FGF22: variants seen among roughly 807,000 people sequenced by gnomAD.
The protein encoded by FGF22 is FGF-22.
In FGF22, 11 loss-of-function variants were observed where a neutral mutation model predicts 10.3. The observed-to-expected ratio is 1.07, with a 90% confidence interval of 0.67 to 1.77. The LOEUF (loss-of-function observed/expected upper bound fraction) is 1.77, where lower values mean the gene tolerates loss of function less well. Among genes scored for constraint, FGF22 ranks in the 40% most tolerant of loss-of-function variants. The pLI is 0.00. For synonymous variants in FGF22, 136 were observed against 122.1 expected (o/e 1.11, Z -0.75); for missense variants, 317 against 273.2 (o/e 1.16, Z -1.13).
intron 1 of FGF22, 63 bp downstream of exon 1, chr19:640,202 G>C (rs2144740807): frequency 6.2e-6 from 7 of 1,123,824 alleles, no homozygotes; most frequent in Non-Finnish European, 7.9e-6. Flanking sequence ...CGCGGCCGCC[G>C]TCTTCACGGT....
At chr19:640,929 C>T (rs1985877354) in intron 1 of FGF22, 4 of 330,286 alleles carry the variant, frequency 1.2e-5, no homozygotes, top group South Asian at 4.6e-5. Context: ...CTCATTAGGC[C>T]GCACGTGACG....
At chr19:641,480 C>G in intron 1 of FGF22, 1 of 328,106 alleles carries the variant, frequency 3.0e-6, no homozygotes, top group Non-Finnish European at 6.1e-6. Context: ...GAGGCTGAGG[C>G]AGGAGAATGA....
exon 3 of FGF22, chr19:643,707 A>C (rs1985993201): frequency 9.8e-7 from 1 of 1,015,292 alleles, no homozygotes; most frequent in Admixed American, 2.9e-5. Context: ...CTGAGTGCCC[A>C]CCGTGTGCGG....
chr19:642,119 G>A (rs1985920870), intron 1 of FGF22, among the ~76,000 whole-genome samples: 1 of 152,208 alleles, frequency 6.6e-6, no homozygotes, highest in Non-Finnish European at 1.5e-5. Context: ...AACCACCGGT[G>A]TCCCACTCTA....
At chr19:641,683 T>C (rs8100967) in intron 1 of FGF22, 164,547 of 186,010 alleles carry the variant, frequency 0.88, 72,957 homozygotes, top group East Asian at 1. Flanking sequence ...GGAGGGGAGG[T>C]GCAGGGCGAG....
chr19:643,888 G>A (rs112063625), exon 3 of FGF22: 17 of 412,444 alleles, frequency 4.1e-5, no homozygotes, highest in African/African-American at 1.7e-4. Flanking sequence ...GGCAGGGCCC[G>A]GCAGAGGCAG....
rs1031139564 is a variant in FGF22, at chr19:640,110, A to G, written c.185A>G (p.Gln62Arg). Residue 62 changes from glutamine to arginine, a missense_variant, in exon 1 of 3, where the codon CAG becomes CGG. Gln to Arg is a conservative substitution (Grantham distance 43). Coordinates refer to ENST00000215530, the Ensembl canonical transcript of FGF22. ...CGCGTGGATCCCGGCGGCCGCGTGCAGGGCACCCGCTGGCGCCACGGCCAG... is the reference window on the plus strand; with the variant it reads ...CGCGTGGATCCCGGCGGCCGCGTGCGGGGCACCCGCTGGCGCCACGGCCAG... 1.6e-5 allele frequency: 22 copies of G among 1,380,436 alleles called. No individual in the cohort carries two copies. The highest frequency in any genetic ancestry group is 1.8e-5 in the Non-Finnish European group (19 of 1,067,384). The allele number at this position is 1,380,436 out of a possible 1,614,324, so 85.5% of individuals were successfully genotyped here. A position where few individuals can be genotyped will look rare whatever the true frequency, so the allele number is the denominator to read the frequency against.
At chr19:643,524 A>C (rs760693654) in exon 3 of FGF22, 26 of 1,606,416 alleles carry the variant, frequency 1.6e-5, no homozygotes, top group Non-Finnish European at 2.1e-5. Context: ...GGCGCTGGAC[A>C]GGAGGGGGGG....
chr19:640,878 C>A (rs11572857), intron 1 of FGF22: 18,346 of 294,966 alleles, frequency 0.062, 726 homozygotes, highest in African/African-American at 0.12. Flanking sequence ...CAGGTAATCA[C>A]CCCCTGTCCT....
chr19:642,788 TTC>T (rs1412517039), intron 1 of FGF22, among the ~76,000 whole-genome samples: 1 of 151,774 alleles, frequency 6.6e-6, no homozygotes, highest in African/African-American at 2.4e-5. Context: ...GCCCTGCCCC[TTC>T]TGACTCCCAC....
intron 1 of FGF22, chr19:641,107 G>C (rs551814010): frequency 9.5e-5 from 43 of 451,290 alleles, no homozygotes; most frequent in African/African-American, 6.8e-4. Context: ...GTGAGGGCTA[G>C]CTGAGGGCTC....
At chr19:640,237 G>A (rs1274802087) in intron 1 of FGF22, 98 bp downstream of exon 1, 2 of 806,982 alleles carry the variant, frequency 2.5e-6, no homozygotes, top group Non-Finnish European at 3.4e-6. Context: ...GGGGAGTCCC[G>A]GAGGCTCCTC....
intron 1 of FGF22, chr19:640,825 G>A (rs1048102899): frequency 8.8e-6 from 2 of 226,374 alleles, no homozygotes; most frequent in Non-Finnish European, 1.8e-5. Context: ...CTGGGAAGGG[G>A]GCCCGGGCCC....
At chr19:644,082 T>G in exon 3 of FGF22, 2 of 171,536 alleles carry the variant, frequency 1.2e-5, no homozygotes, top group Non-Finnish European at 2.5e-5. Flanking sequence ...TGGAGGAGCA[T>G]CCAGGGTGGG....
intron 1 of FGF22, chr19:641,542 T>C (rs1600615157): frequency 1.1e-5 from 2 of 176,552 alleles, no homozygotes; most frequent in Non-Finnish European, 2.2e-5. Flanking sequence ...GCCACTGCCC[T>C]CCACCCTGGG....
intron 1 of FGF22, 104 bp from the exon 2 acceptor site, chr19:643,131 C>T (rs1322749705): frequency 1.6e-5 from 4 of 250,128 alleles, no homozygotes; most frequent in Non-Finnish European, 2.7e-5. Context: ...CCGGGGGTCT[C>T]CTGGTATCTG....
At chr19:641,271 G>A in intron 1 of FGF22, 1 of 455,674 alleles carries the variant, frequency 2.2e-6, no homozygotes, top group Non-Finnish European at 4.4e-6. Context: ...GGGCGCAGGT[G>A]GGTGCACAGA....
chr19:642,984 T>C (rs981768625), intron 1 of FGF22, among the ~76,000 whole-genome samples: 1 of 149,842 alleles, frequency 6.7e-6, no homozygotes, highest in African/African-American at 2.5e-5. Context: ...CTCCCCCAGC[T>C]CGTGGGGGCC....
In FGF22 at chr19:643,600, CCT is replaced by C. The variant is rs761366792; in HGVS notation, c.510_511del (p.Ter171ArgfsTer3). On this transcript the variant is annotated frameshift_variant and stop_lost, in exon 3 of 3. Transcript: ENST00000215530. LOFTEE classifies it high-confidence loss of function. ...GCCCACTTCCTGCCCGTCCTGGTCTCCTGAGGCCCTGAGAGGCCGGCGGCTCC... is the reference window on the plus strand; with the variant it reads ...GCCCACTTCCTGCCCGTCCTGGTCTCGAGGCCCTGAGAGGCCGGCGGCTCC... 2.0e-6 allele frequency: 3 copies of C among 1,523,680 alleles called. No individual in the cohort carries two copies. In the South Asian group the frequency reaches 3.6e-5, roughly 18 times the overall value. 94.4% of individuals were successfully genotyped at this position (1,523,680 alleles called of 1,614,324 possible).
Sources: allele counts gnomAD v4.1 joint callset (sites outside exome capture counted in the v4.1 genomes callset), GRCh38; gene constraint gnomAD v4.1.1; transcripts MANE v1.5; gene names NCBI Gene and HGNC (gene_info 2026-07-23, HGNC 2026-07-21).